FBXL2: variants seen among roughly 807,000 people sequenced by gnomAD.
The protein encoded by FBXL2 is F-box and leucine rich repeat protein 2, also known as F-box/LRR-repeat protein 2.
Under a neutral mutation model 69.2 loss-of-function variants are expected in FBXL2, and 38 were observed. That is an observed-to-expected ratio of 0.55 (90% CI 0.42 to 0.72). The LOEUF is 0.72. FBXL2 is among the 30% of genes least tolerant of loss of function. The pLI, the probability that FBXL2 is intolerant of heterozygous loss-of-function variation, is 0.00. For synonymous variants in FBXL2, 192 were observed against 201.3 expected (o/e 0.95, Z 0.39); for missense variants, 354 against 520.3 (o/e 0.68, Z 3.11).
At chr3:33,328,791 G>C (rs1040511626) in intron 2 of FBXL2, among the ~76,000 whole-genome samples, 1 of 139,182 alleles carries the variant, frequency 7.2e-6, no homozygotes, top group Admixed American at 7.8e-5. Context: ...GGGCAAATTT[G>C]TGTGTGTGCA....
intron 2 of FBXL2, among the ~76,000 whole-genome samples, chr3:33,349,406 G>T (rs2040675680): frequency 6.6e-6 from 1 of 152,116 alleles, no homozygotes. Context: ...GCATCACATT[G>T]ATTGATTTGC....
At chr3:33,352,994 T>G (rs965015986) in intron 2 of FBXL2, among the ~76,000 whole-genome samples, 1 of 152,144 alleles carries the variant, frequency 6.6e-6, no homozygotes, top group African/African-American at 2.4e-5. Flanking sequence ...AACAGATATT[T>G]TACCAAAGAA....
chr3:33,282,786 G>A (rs1268482949), intron 1 of FBXL2, among the ~76,000 whole-genome samples: 1 of 152,112 alleles, frequency 6.6e-6, no homozygotes, highest in African/African-American at 2.4e-5. Flanking sequence ...TGGATTCCTA[G>A]GTATTTTATT....
chr3:33,281,001 A>G (rs894223253), intron 1 of FBXL2, among the ~76,000 whole-genome samples: 4 of 152,190 alleles, frequency 2.6e-5, no homozygotes, highest in Non-Finnish European at 4.4e-5. Flanking sequence ...TGGAGGGAAC[A>G]CTGCAAAAAT....
intron 3 of FBXL2, 26 bp from the exon 4 acceptor site, chr3:33,359,257 C>T (rs776294593): frequency 6.3e-7 from 1 of 1,593,808 alleles, no homozygotes. Context: ...ATCCCAATCC[C>T]TCTTCCTTTA....
chr3:33,378,819 G>T, intron 13 of FBXL2, 78 bp downstream of exon 13: 1 of 1,611,874 alleles, frequency 6.2e-7, no homozygotes, highest in Non-Finnish European at 8.5e-7. Context: ...AGCTGTTTGG[G>T]TTCTCTTTCT....
intron 12 of FBXL2, among the ~76,000 whole-genome samples, chr3:33,399,830 G>A (rs1210790485): frequency 1.3e-5 from 2 of 151,746 alleles, no homozygotes; most frequent in African/African-American, 4.9e-5. Context: ...ACGGAGTGAA[G>A]AGTACACCGA....
downstream of FBXL2, chr3:33,388,781 G>C (rs1418389133): frequency 1.3e-5 from 2 of 152,204 alleles, no homozygotes; most frequent in African/African-American, 4.8e-5. Context: ...GATGAAAATA[G>C]ATCGTGCTTC....
chr3:33,400,866 A>T, intron 12 of FBXL2: 1 of 1,227,726 alleles, frequency 8.1e-7, no homozygotes. Flanking sequence ...ACATGTAACA[A>T]AACTTCTCAC....
chr3:33,372,513 T>C (rs941286732), intron 5 of FBXL2: 1 of 158,578 alleles, frequency 6.3e-6, no homozygotes, highest in African/African-American at 2.4e-5. Context: ...TAGGGCGTTT[T>C]AATGTGCTGC....
chr3:33,285,158 T>A (rs2034471274), intron 1 of FBXL2, among the ~76,000 whole-genome samples: 2 of 152,246 alleles, frequency 1.3e-5, no homozygotes, highest in South Asian at 4.1e-4. Flanking sequence ...CAGTTTGGCA[T>A]GTTTTTGCAG....
the FBXL2 span, chr3:33,411,788 T>C: frequency 1.1e-6 from 1 of 917,800 alleles, no homozygotes; most frequent in Non-Finnish European, 1.7e-6. Flanking sequence ...TGTAACTGCT[T>C]TGAACTCTGT....
At chr3:33,395,590 A>G (rs1019397249) in intron 12 of FBXL2, among the ~76,000 whole-genome samples, 1 of 152,020 alleles carries the variant, frequency 6.6e-6, no homozygotes, top group Admixed American at 6.6e-5. Context: ...TATTATTTAC[A>G]GTGACATAAA....
intron 2 of FBXL2, among the ~76,000 whole-genome samples, chr3:33,322,367 G>A (rs972037070): frequency 8.6e-5 from 13 of 151,858 alleles, no homozygotes; most frequent in Admixed American, 5.3e-4. Context: ...CGTGAGCTAC[G>A]GCGCCTGGCC....
intron 2 of FBXL2, among the ~76,000 whole-genome samples, chr3:33,341,000 T>G (rs1468672377): frequency 6.6e-6 from 1 of 152,036 alleles, no homozygotes; most frequent in Non-Finnish European, 1.5e-5. Flanking sequence ...TTTTCTTTAG[T>G]GAGGAACTCC....
intron 2 of FBXL2, among the ~76,000 whole-genome samples, chr3:33,314,938 TTA>T (rs1443424473): frequency 1.3e-5 from 2 of 152,214 alleles, no homozygotes; most frequent in African/African-American, 4.8e-5. Flanking sequence ...TTACCATAAT[TTA>T]TGTCAGTTGT....
Position 33,384,172 on chromosome 3 carries a change from G to A in FBXL2, c.1135G>A (p.Val379Ile). 2 of 1,614,140 alleles carry A rather than the reference G, an allele frequency of 1.2e-6. No homozygotes were observed. Among genetic ancestry groups the A allele is most frequent in the Middle Eastern group, 1.6e-4 (1 of 6,062 alleles). Residue 379 changes from valine (V) to isoleucine (I), a missense_variant, in exon 14 of 15, where the codon GTT becomes ATT. Val to Ile is a conservative substitution (Grantham distance 29). Coordinates refer to ENST00000484457, the MANE Select transcript of FBXL2 (RefSeq NM_012157.5). ...CCTCGAGCTGTACGACTGCCAGCAGGTTACCCGTGCAGGCATCAAGCGGAT... is the reference window on the plus strand; with the variant it reads ...CCTCGAGCTGTACGACTGCCAGCAGATTACCCGTGCAGGCATCAAGCGGAT... Reference protein sequence around the residue: ...ERLELYDCQQVTRAGIKRMRA... With the variant: ...ERLELYDCQQITRAGIKRMRA...
intron 2 of FBXL2, among the ~76,000 whole-genome samples, chr3:33,341,560 T>C (rs1046741586): frequency 1.3e-5 from 2 of 152,090 alleles, no homozygotes; most frequent in Non-Finnish European, 2.9e-5. Context: ...CCCAGCATGG[T>C]GGCTCACGCC....
In FBXL2 at chr3:33,400,372, A is replaced by T. The variant is rs146301974; in HGVS notation, n.1215-2862A>T. 256 of 969,348 alleles carry T rather than the reference A, an allele frequency of 2.6e-4. 1 individual carries two copies. The African/African-American group carries it at 4.0e-3, about 15-fold the overall frequency. 60.0% of individuals were successfully genotyped at this position (969,348 alleles called of 1,614,324 possible). A position where few individuals can be genotyped will look rare whatever the true frequency, so the allele number is the denominator to read the frequency against. ...CACAGAAAGCCTCGGAGTCTGAAGT[A>T]AAAAACACCCAAAAAGAGCATGAGT... is the stretch of plus-strand genomic sequence containing the variant. On this transcript the variant is annotated intron_variant and non_coding_transcript_variant, in intron 12 of 12. Coordinates refer to the FBXL2 transcript ENST00000463736.
Sources: allele counts gnomAD v4.1 joint callset (sites outside exome capture counted in the v4.1 genomes callset), GRCh38; gene constraint gnomAD v4.1.1; transcripts MANE v1.5; gene names NCBI Gene and HGNC (gene_info 2026-07-23, HGNC 2026-07-21).